Variants in PDE11A observed in about 807,000 individuals in gnomAD.
The protein encoded by PDE11A is phosphodiesterase 11A.
A neutral mutation model predicts 100.5 loss-of-function variants in PDE11A; 100 were observed. The observed-to-expected ratio is 1.00, with a 90% CI of 0.85 to 1.18. The LOEUF (loss-of-function observed/expected upper bound fraction) is 1.18. PDE11A is among the 50% of genes most tolerant of loss of function. The pLI, the probability that PDE11A is intolerant of heterozygous loss-of-function variation, is 0.00. For synonymous variants in PDE11A, 381 were observed against 420.8 expected (o/e 0.91, Z 1.16); for missense variants, 1,141 against 1,152.6 (o/e 0.99, Z 0.15).
intron 2 of PDE11A, among the ~76,000 whole-genome samples, chr2:178,081,328 C>T (rs993950341): frequency 4.6e-5 from 7 of 152,140 alleles, no homozygotes; most frequent in Non-Finnish European, 7.4e-5. Flanking sequence ...AACTTTTCTA[C>T]AAGCTATTTT....
intron 5 of PDE11A, among the ~76,000 whole-genome samples, chr2:177,861,698 G>C (rs1418210509): frequency 6.6e-6 from 1 of 151,908 alleles, no homozygotes; most frequent in African/African-American, 2.4e-5. Context: ...CAGTAACCAA[G>C]ACAATGTGAT....
intron 2 of PDE11A, among the ~76,000 whole-genome samples, chr2:177,945,559 G>T (rs530549905): frequency 7.3e-4 from 110 of 150,728 alleles, no homozygotes; most frequent in African/African-American, 2.4e-3. Context: ...CCCCGTCTGA[G>T]AAGTGAGGAG....
At chr2:177,669,675 A>G in intron 17 of PDE11A, 108 bp from the exon 18 acceptor site, 1 of 742,454 alleles carries the variant, frequency 1.3e-6, no homozygotes, top group Non-Finnish European at 2.5e-6. Context: ...CAATCATTTA[A>G]AAAGCTTATG....
chr2:177,761,776 G>C (rs2082173632), intron 10 of PDE11A, among the ~76,000 whole-genome samples: 1 of 152,204 alleles, frequency 6.6e-6, no homozygotes, highest in Non-Finnish European at 1.5e-5. Context: ...AAAACACCAA[G>C]TAGAACTATT....
chr2:177,895,073 C>T (rs557983926), intron 4 of PDE11A, among the ~76,000 whole-genome samples: 1 of 152,082 alleles, frequency 6.6e-6, no homozygotes, highest in Non-Finnish European at 1.5e-5. Flanking sequence ...CAGAATAAGC[C>T]TGTTTACCTA....
At chr2:177,670,640 T>A (rs998584975) in intron 17 of PDE11A, among the ~76,000 whole-genome samples, 21 of 152,202 alleles carry the variant, frequency 1.4e-4, no homozygotes, top group South Asian at 4.1e-4. Context: ...TTCTTAAATC[T>A]GGCAAAGATG....
intron 2 of PDE11A, among the ~76,000 whole-genome samples, chr2:177,937,185 C>T (rs922146100): frequency 6.6e-6 from 1 of 152,072 alleles, no homozygotes; most frequent in African/African-American, 2.4e-5. Context: ...GAACCACCTC[C>T]TTTTGCTCAC....
chr2:177,998,590 C>T lies in PDE11A; in HGVS notation c.1071+15712G>A, dbSNP rs543774519. 647 of 1,297,656 alleles carry T rather than the reference C, an allele frequency of 5.0e-4. 5 individuals carry two copies. Among genetic ancestry groups the T allele is most frequent in the Non-Finnish European group, 2.3e-4 (201 of 893,142 alleles). The allele number at this position is 1,297,656 out of a possible 1,614,324, so 80.4% of individuals were successfully genotyped here. On this transcript the variant is annotated intron_variant, in intron 2 of 19. Coordinates refer to ENST00000286063, the MANE Select transcript of PDE11A (RefSeq NM_016953.4). ...TCTAACTGTGCATTGATAGCAGAAT[C>T]AGCCAATTCTGTAAAATGCTTAAAG...
At chr2:177,949,946 A>G (rs1042229196) in intron 2 of PDE11A, among the ~76,000 whole-genome samples, 4 of 152,180 alleles carry the variant, frequency 2.6e-5, no homozygotes, top group African/African-American at 9.7e-5. Context: ...CTCTTTTCAT[A>G]TTAATTCTGG....
chr2:178,068,556 C>T (rs1229309546), intron 1 of PDE11A, among the ~76,000 whole-genome samples: 1 of 151,762 alleles, frequency 6.6e-6, no homozygotes. Context: ...AAAAAATACA[C>T]TGTCTGAAGC....
At chr2:177,904,272 G>A (rs761103863) in intron 3 of PDE11A, among the ~76,000 whole-genome samples, 5 of 152,048 alleles carry the variant, frequency 3.3e-5, no homozygotes, top group South Asian at 2.1e-4. Flanking sequence ...AGCTCTCTAA[G>A]TGTTTCTTTA....
intron 2 of PDE11A, among the ~76,000 whole-genome samples, chr2:177,913,916 C>T (rs7561059): frequency 0.12 from 18,829 of 152,028 alleles, 1,421 homozygotes; most frequent in African/African-American, 0.22. Flanking sequence ...GGTTGAAGAA[C>T]ATATGCTCAA....
At chr2:177,996,096 G>A (rs1164105534) in intron 2 of PDE11A, among the ~76,000 whole-genome samples, 4 of 152,072 alleles carry the variant, frequency 2.6e-5, no homozygotes, top group East Asian at 3.9e-4. Flanking sequence ...GTGTGGTGGT[G>A]GGTGCCCATA....
At chr2:177,722,707 T>TTTAAAAATTACTCCTTTTCTAAA (rs2081548312) in intron 12 of PDE11A, among the ~76,000 whole-genome samples, 1 of 152,198 alleles carries the variant, frequency 6.6e-6, no homozygotes, top group South Asian at 2.1e-4. Context: ...TGCAAAAACA[T>TTTAAAAATTACTCCTTTTCTAAA]TTAAAAATTA....
At chr2:177,901,199 A>G (rs925408007) in intron 3 of PDE11A, among the ~76,000 whole-genome samples, 10 of 152,028 alleles carry the variant, frequency 6.6e-5, no homozygotes, top group Non-Finnish European at 1.3e-4. Context: ...TACCTGATGG[A>G]TCAGCTGGCA....
At chr2:178,020,924 GGTGTGTGTGTGTGTGTGTGTGTGTGTGT>G (rs532087273) in intron 1 of PDE11A, among the ~76,000 whole-genome samples, 16 of 125,740 alleles carry the variant, frequency 1.3e-4, no homozygotes, top group African/African-American at 3.2e-4. Context: ...TTTTTGTCTT[GGTGTGTGTGTGTGTGTGTGTGTGTGTGT>G]GTGTGTGTGT....
intron 1 of PDE11A, among the ~76,000 whole-genome samples, chr2:178,051,702 G>C (rs1403565233): frequency 3.3e-5 from 5 of 152,022 alleles, no homozygotes; most frequent in Non-Finnish European, 7.4e-5. Flanking sequence ...AAAAAAGCAG[G>C]GGTTGCAATC....
intron 9 of PDE11A, among the ~76,000 whole-genome samples, chr2:177,786,406 A>T (rs1413844604): frequency 6.6e-6 from 1 of 151,910 alleles, no homozygotes; most frequent in Non-Finnish European, 1.5e-5. Flanking sequence ...ATCATCAAAG[A>T]CCAAAAGTAG....
At chr2:177,630,965 A>G (rs1292701870) in intron 19 of PDE11A, among the ~76,000 whole-genome samples, 1 of 152,134 alleles carries the variant, frequency 6.6e-6, no homozygotes, top group Non-Finnish European at 1.5e-5. Context: ...TAAAAATAAT[A>G]CCTTTTCTTC....
Sources: gnomAD v4.1 joint callset for allele counts (sites outside exome capture counted in the v4.1 genomes callset) on GRCh38, gnomAD v4.1.1 for gene constraint, MANE v1.5 for transcripts, NCBI Gene and HGNC (gene_info 2026-07-23, HGNC 2026-07-21) for gene names.